Variants in OBI1 observed in about 807,000 individuals in gnomAD.
OBI1 encodes the protein ORC ubiquitin ligase 1.
In OBI1, 59 loss-of-function variants were observed where a neutral mutation model predicts 62.4. The observed-to-expected ratio is 0.95, with a 90% confidence interval of 0.77 to 1.17. The LOEUF (loss-of-function observed/expected upper bound fraction) is 1.17, where lower values mean the gene tolerates loss of function less well. Ranked by LOEUF, OBI1 falls within the 50% of genes most tolerant of loss-of-function variation. The pLI is 0.00. For synonymous variants in OBI1, 302 were observed against 292.8 expected (o/e 1.03, Z -0.32); for missense variants, 875 against 830.9 (o/e 1.05, Z -0.65).
intron 5 of OBI1, among the ~76,000 whole-genome samples, chr13:78,621,346 T>C (rs1875506239): frequency 6.6e-6 from 1 of 152,148 alleles, no homozygotes; most frequent in Non-Finnish European, 1.5e-5. Flanking sequence ...AAACACTACA[T>C]AAATAATAGA....
chr13:78,626,942 T>C (rs1190112103), intron 5 of OBI1, among the ~76,000 whole-genome samples: 3 of 152,088 alleles, frequency 2.0e-5, no homozygotes, highest in African/African-American at 7.2e-5. Flanking sequence ...GGCGGGCGCC[T>C]GTAGTCCCAG....
intron 1 of OBI1, among the ~76,000 whole-genome samples, chr13:78,655,804 A>G (rs966311178): frequency 1.3e-5 from 2 of 152,248 alleles, no homozygotes; most frequent in African/African-American, 4.8e-5. Flanking sequence ...GAAGGACCTT[A>G]GGAACATTCT....
chr13:78,638,917 A>C lies in OBI1; in HGVS notation c.455T>G (p.Ile152Ser), dbSNP rs1024394984. 6.2e-7 allele frequency: 1 copy of C among 1,613,840 alleles called. No homozygotes were observed. Among genetic ancestry groups the C allele is most frequent in the Non-Finnish European group, 8.5e-7 (1 of 1,179,910 alleles). ...KHLVTDNPSK[I>S]NPETVAEWKK... ...CCACTCTGCTACAGTTTCTGGGTTAATTTTACTTGGATTATCTGTGACTAG... is the reference window on the plus strand; with the variant it reads ...CCACTCTGCTACAGTTTCTGGGTTACTTTTACTTGGATTATCTGTGACTAG... Residue 152 changes from isoleucine (I) to serine (S), a missense_variant, in exon 4 of 6, where the codon ATT becomes AGT. Ile to Ser is a moderately radical substitution (Grantham distance 142, BLOSUM62 -2). Transcript: ENST00000282003.
At chr13:78,619,457 C>A (rs912157118) in intron 5 of OBI1, among the ~76,000 whole-genome samples, 4 of 151,638 alleles carry the variant, frequency 2.6e-5, no homozygotes, top group African/African-American at 7.3e-5. Flanking sequence ...TAGCAGATCA[C>A]ATATGAGAGG....
chr13:78,614,847 G>A lies in OBI1; in HGVS notation c.*733C>T, dbSNP rs1027153284. ...TACACACATACACACACACGCAGAG[G>A]AGAAAATGTAAGCTACCTAACATAA... On this transcript the variant is annotated 3_prime_UTR_variant, in exon 6 of 6. Coordinates refer to ENST00000282003, the MANE Select transcript of OBI1 (RefSeq NM_024546.4). 2 of 152,068 alleles carry A rather than the reference G, an allele frequency of 1.3e-5. No homozygotes were observed. The highest frequency in any genetic ancestry group is 2.1e-4 in the South Asian group (1 of 4,814). The allele number at this position is 152,068 out of a possible 1,614,324, so 9.4% of individuals were successfully genotyped here.
chr13:78,652,439 T>C (rs575109206), intron 1 of OBI1, among the ~76,000 whole-genome samples: 2 of 152,060 alleles, frequency 1.3e-5, no homozygotes, highest in Non-Finnish European at 2.9e-5. Flanking sequence ...TATTAGACTT[T>C]CTATCCAATT....
chr13:78,632,288 A>T (rs1160892598), intron 5 of OBI1, among the ~76,000 whole-genome samples: 1 of 152,078 alleles, frequency 6.6e-6, no homozygotes, highest in East Asian at 1.9e-4. Flanking sequence ...TCACAACCCG[A>T]CCCTGCCAAA....
chr13:78,634,982 A>C, intron 5 of OBI1, 128 bp downstream of exon 5: 1 of 540,804 alleles, frequency 1.8e-6, no homozygotes, highest in Non-Finnish European at 3.2e-6. Flanking sequence ...CTTGACTTTT[A>C]AAGGCAAGAC....
intron 3 of OBI1, 94 bp downstream of exon 3, chr13:78,642,028 G>C: frequency 1.9e-6 from 1 of 534,046 alleles, no homozygotes; most frequent in East Asian, 3.1e-5. Context: ...AAATTTCATT[G>C]GATATTTACT....
Position 78,636,026 on chromosome 13 carries a change from G to T in OBI1, c.550-828C>A, listed in dbSNP as rs532126727. ...GATCCACCTGCCCCAGCCTCACAAA[G>T]TGTTAGGATTACAGGTATGAGCCAC... is the stretch of plus-strand genomic sequence containing the variant. On this transcript the variant is annotated intron_variant, in intron 4 of 5. Transcript: ENST00000282003. Among the ~76,000 whole-genome samples, 10 of 152,260 alleles carry T rather than the reference G, an allele frequency of 6.6e-5. No homozygotes were observed. In the South Asian group the frequency reaches 1.7e-3, roughly 25 times the overall value.
At chr13:78,643,103 A>G (rs1352860860) in intron 2 of OBI1, among the ~76,000 whole-genome samples, 1 of 152,302 alleles carries the variant, frequency 6.6e-6, no homozygotes, top group Admixed American at 6.5e-5. Context: ...ATAATAGCAA[A>G]GGTATTTTAC....
At chr13:78,645,602 CTTT>C (rs2137461872) in intron 1 of OBI1, among the ~76,000 whole-genome samples, 1 of 152,310 alleles carries the variant, frequency 6.6e-6, no homozygotes, top group Admixed American at 6.5e-5. Flanking sequence ...ATACACAAAT[CTTT>C]GACTCCAGGC....
intron 1 of OBI1, among the ~76,000 whole-genome samples, chr13:78,655,855 C>G (rs978160889): frequency 5.3e-5 from 8 of 152,174 alleles, no homozygotes; most frequent in African/African-American, 1.4e-4. Context: ...GAAGCAGAAG[C>G]GAACCTGAGG....
chr13:78,617,266 G>T (rs1875342263), intron 5 of OBI1, 144 bp from the exon 6 acceptor site: 4 of 535,646 alleles, frequency 7.5e-6, no homozygotes, highest in Non-Finnish European at 1.2e-5. Context: ...AATGCCAGAT[G>T]TATATTTTCA....
At chr13:78,618,078 A>G (rs1875376223) in intron 5 of OBI1, among the ~76,000 whole-genome samples, 1 of 152,192 alleles carries the variant, frequency 6.6e-6, no homozygotes, top group Admixed American at 6.5e-5. Flanking sequence ...TCCAAGGGAC[A>G]TAAAATATCT....
intron 5 of OBI1, among the ~76,000 whole-genome samples, chr13:78,628,105 C>T (rs1313282921): frequency 6.6e-6 from 1 of 152,118 alleles, no homozygotes; most frequent in East Asian, 1.9e-4. Flanking sequence ...GAAGACAATA[C>T]TATAATATTA....
At chr13:78,635,758 A>G (rs559437236) in intron 4 of OBI1, among the ~76,000 whole-genome samples, 9 of 152,036 alleles carry the variant, frequency 5.9e-5, no homozygotes, top group African/African-American at 2.2e-4. Context: ...CTATCTATCT[A>G]TGTATCTATT....
chr13:78,621,934 G>A (rs1875525039), intron 5 of OBI1, among the ~76,000 whole-genome samples: 1 of 151,980 alleles, frequency 6.6e-6, no homozygotes, highest in South Asian at 2.1e-4. Flanking sequence ...ATATGAGAAG[G>A]GAAGCACTAT....
At position 78,630,849 on chromosome 13, in the gene OBI1, CAT is replaced by C. The variant is rs1875824162; in HGVS notation, c.638+4259_638+4260del. Among the ~76,000 whole-genome samples the C allele has an allele frequency of 2.0e-5, 3 of 152,130 alleles. No individual in the cohort carries two copies. The South Asian group carries it at 6.2e-4, about 32-fold the overall frequency. ...TGTTATAGCAGCCCAAAAGGACTAACATAAATGGTGTTTTCTTAAGTAATCAT... is the reference window on the plus strand; with the variant it reads ...TGTTATAGCAGCCCAAAAGGACTAACAAATGGTGTTTTCTTAAGTAATCAT... On this transcript the variant is annotated intron_variant, in intron 5 of 5. Transcript: ENST00000282003.
Sources: gnomAD v4.1 joint callset for allele counts (sites outside exome capture counted in the v4.1 genomes callset) on GRCh38, gnomAD v4.1.1 for gene constraint, MANE v1.5 for transcripts, NCBI Gene and HGNC (gene_info 2026-07-23, HGNC 2026-07-21) for gene names.